TUSC3: variants seen among roughly 807,000 people sequenced by gnomAD.
TUSC3 encodes dolichyl-diphosphooligosaccharide--protein glycosyltransferase subunit TUSC3.
TUSC3 carries 45 observed loss-of-function variants against 44.8 expected under a neutral mutation model. That is an observed-to-expected ratio of 1.00 (90% CI 0.79 to 1.29). TUSC3 has a LOEUF of 1.29. Among genes scored for constraint, TUSC3 ranks in the 50% most tolerant of loss-of-function variants. TUSC3 has a pLI of 0.00. For synonymous variants in TUSC3, 212 were observed against 152.9 expected, an observed-to-expected ratio of 1.39 and a Z score of -2.85; for missense variants, 519 against 437.9, an observed-to-expected ratio of 1.19 and a Z score of -1.65.
At chr8:15,737,191 T>C (rs1250091101) in intron 7 of TUSC3, among the ~76,000 whole-genome samples, 3 of 152,062 alleles carry the variant, frequency 2.0e-5, no homozygotes, top group Non-Finnish European at 4.4e-5. Context: ...AAAAAATTAA[T>C]GATAGATGCA....
chr8:15,645,843 T>G (rs987405742), intron 2 of TUSC3, among the ~76,000 whole-genome samples: 9 of 152,080 alleles, frequency 5.9e-5, no homozygotes, highest in African/African-American at 2.2e-4. Context: ...GTAAAGGAAA[T>G]CTGCCTTAAA....
chr8:15,708,500 T>C (rs916745607), intron 6 of TUSC3, among the ~76,000 whole-genome samples: 1 of 151,898 alleles, frequency 6.6e-6, no homozygotes, highest in African/African-American at 2.4e-5. Context: ...GAAAGTGTGG[T>C]AGTGATTTAA....
At chr8:15,569,193 C>T (rs1164137475) in intron 1 of TUSC3, among the ~76,000 whole-genome samples, 2 of 152,122 alleles carry the variant, frequency 1.3e-5, no homozygotes, top group African/African-American at 2.4e-5. Flanking sequence ...CCATCTGCTT[C>T]TGCATTTGGC....
At position 15,555,550 on chromosome 8, in the gene TUSC3, C is replaced by A. The variant is rs1260220305; in HGVS notation, c.138+14982C>A. 1.1e-4 allele frequency among the ~76,000 whole-genome samples: 17 copies of A among 151,370 alleles called. 1 individual carries two copies. Among genetic ancestry groups the A allele is most frequent in the Admixed American group, 1.1e-3 (17 of 15,158 alleles). ...GCTCAAGTGATCCCCCTGCCTTGGC[C>A]TCCCAGAGTGCTGGGATTACAGTAT... On this transcript the variant is annotated intron_variant, in intron 1 of 10. Transcript: ENST00000503731.
At chr8:15,633,606 T>C (rs555096918) in intron 2 of TUSC3, among the ~76,000 whole-genome samples, 149 of 152,298 alleles carry the variant, frequency 9.8e-4, no homozygotes, top group Non-Finnish European at 1.9e-3. Context: ...CTAAATTCTA[T>C]TTTATTGCAT....
intron 9 of TUSC3, chr8:15,748,775 G>A (rs369619844): frequency 5.0e-5 from 27 of 541,454 alleles, no homozygotes; most frequent in African/African-American, 3.2e-4. Context: ...TCGTGATTTC[G>A]ACTTCATTTG....
At chr8:15,648,522 C>G (rs1375207487) in intron 2 of TUSC3, among the ~76,000 whole-genome samples, 1 of 151,430 alleles carries the variant, frequency 6.6e-6, no homozygotes, top group Non-Finnish European at 1.5e-5. Flanking sequence ...GTCAGGAGAT[C>G]GAGACCATCC....
In TUSC3 at chr8:15,447,830, C is replaced by A. The variant is rs1031111917; in HGVS notation, n.91+30525C>A. Reference sequence around the variant, plus strand: ...AAATGAGATGGTAAGTGATACCATGCGAGAACCCATAAAAACAGAGACTCC... The same window carrying A: ...AAATGAGATGGTAAGTGATACCATGAGAGAACCCATAAAAACAGAGACTCC... On this transcript the variant is annotated intron_variant and non_coding_transcript_variant, in intron 1 of 5. Transcript: ENST00000503191. 2.7e-5 allele frequency among the ~76,000 whole-genome samples: 4 copies of A among 150,624 alleles called. No individual in the cohort carries two copies. In the South Asian group the frequency reaches 6.3e-4, roughly 24 times the overall value.
chr8:15,734,164 A>G (rs1167695462), intron 7 of TUSC3, among the ~76,000 whole-genome samples: 1 of 152,206 alleles, frequency 6.6e-6, no homozygotes, highest in Non-Finnish European at 1.5e-5. Context: ...CTGGCAAAAA[A>G]TTACAAATAC....
At chr8:15,645,569 T>C (rs987960786) in intron 2 of TUSC3, among the ~76,000 whole-genome samples, 1 of 152,150 alleles carries the variant, frequency 6.6e-6, no homozygotes, top group African/African-American at 2.4e-5. Flanking sequence ...ATCTATTCTT[T>C]AACCTCTTAA....
chr8:15,571,045 C>T (rs983597453), intron 1 of TUSC3, among the ~76,000 whole-genome samples: 1 of 137,610 alleles, frequency 7.3e-6, no homozygotes, highest in Non-Finnish European at 1.5e-5. Flanking sequence ...CAACCTCTAC[C>T]TCCTAGGTTC....
At chr8:15,723,797 G>A (rs1368654506) in intron 6 of TUSC3, among the ~76,000 whole-genome samples, 1 of 152,094 alleles carries the variant, frequency 6.6e-6, no homozygotes, top group Non-Finnish European at 1.5e-5. Flanking sequence ...CTGGACATTA[G>A]TATCCTAAAA....
At chr8:15,560,438 T>A (rs1216441191) in intron 1 of TUSC3, among the ~76,000 whole-genome samples, 1 of 148,960 alleles carries the variant, frequency 6.7e-6, no homozygotes, top group Admixed American at 6.7e-5. Flanking sequence ...CCCTTAACAT[T>A]TTTTCCTTCA....
chr8:15,526,322 G>A (rs921709370), intron 2 of TUSC3, among the ~76,000 whole-genome samples: 3 of 152,150 alleles, frequency 2.0e-5, no homozygotes, highest in Non-Finnish European at 2.9e-5. Flanking sequence ...GTGAGCCACC[G>A]CGCCTGGCTA....
intron 2 of TUSC3, among the ~76,000 whole-genome samples, chr8:15,514,829 G>A (rs979835247): frequency 2.0e-5 from 3 of 152,118 alleles, no homozygotes; most frequent in African/African-American, 7.2e-5. Context: ...TCAGCCACTC[G>A]CTAGGCTGAT....
chr8:15,817,413 C>G, the TUSC3 span, among the ~76,000 whole-genome samples: 4 of 151,742 alleles, frequency 2.6e-5, no homozygotes, highest in African/African-American at 9.7e-5. Flanking sequence ...CTTAAGCAAA[C>G]ATATAAAACA....
In TUSC3 at chr8:15,584,048, G is replaced by A. The variant is rs112849250; in HGVS notation, c.139-39032G>A. Among the ~76,000 whole-genome samples the A allele has an allele frequency of 2.7e-3, 405 of 151,280 alleles. 1 individual carries two copies. Among genetic ancestry groups the A allele is most frequent in the African/African-American group, 9.1e-3 (371 of 40,584 alleles). The stretch of plus-strand genomic sequence containing the variant: ...ATGTTGTTTAAACAGGTACTTAAAG[G>A]CAGTGTAATCAAACACAGCAGCTTA... On this transcript the variant is annotated intron_variant, in intron 1 of 10. Coordinates refer to ENST00000503731, the MANE Select transcript of TUSC3 (RefSeq NM_006765.4).
At chr8:15,815,927 G>A in the TUSC3 span, among the ~76,000 whole-genome samples, 1 of 152,102 alleles carries the variant, frequency 6.6e-6, no homozygotes, top group African/African-American at 2.4e-5. Context: ...CTCTGTAAGT[G>A]CCAACGAGGG....
intron 8 of TUSC3, among the ~76,000 whole-genome samples, chr8:15,745,727 C>T (rs1037831114): frequency 4.6e-5 from 7 of 151,642 alleles, no homozygotes; most frequent in African/African-American, 1.7e-4. Flanking sequence ...CAAAAATTTT[C>T]TCCCATTCTG....
Sources: gnomAD v4.1 joint callset for allele counts (sites outside exome capture counted in the v4.1 genomes callset) on GRCh38, gnomAD v4.1.1 for gene constraint, MANE v1.5 for transcripts, NCBI Gene and HGNC (gene_info 2026-07-23, HGNC 2026-07-21) for gene names.